The following SCN8A variants were observed in gnomAD, a reference collection of about 807,000 sequenced individuals.
The protein encoded by SCN8A is sodium voltage-gated channel alpha subunit 8, also known as sodium channel protein type 8 subunit alpha.
SCN8A carries 30 observed loss-of-function variants against 184.1 expected under a neutral mutation model. That is an observed-to-expected ratio of 0.16 (90% CI 0.12 to 0.22). The LOEUF (loss-of-function observed/expected upper bound fraction) is 0.22. Ranked by LOEUF, SCN8A falls within the 10% of genes least tolerant of loss-of-function variation. The probability of loss-of-function intolerance (pLI) is 1.00; values close to 1 mark genes in which losing one functional copy is unlikely to be tolerated. For synonymous variants in SCN8A, 852 were observed against 907.0 expected, an observed-to-expected ratio of 0.94 and a Z score of 1.09; for missense variants, 1,057 against 2,498.9, an observed-to-expected ratio of 0.42 and a Z score of 12.30.
rs142213239 is a variant in SCN8A at position 51,684,978 on chromosome 12, C to T, written c.395+686C>T. 3.5e-4 allele frequency among the ~76,000 whole-genome samples: 53 copies of T among 152,186 alleles called. No individual in the cohort carries two copies. In the East Asian group the frequency reaches 7.7e-3, roughly 22 times the overall value. ...GTGGCTTGAAACTTCCATGGCTGGT[C>T]GATATTTAACAGCATGTAGTCCCAT... On this transcript the variant is annotated intron_variant, in intron 3 of 26. Transcript: ENST00000627620.
chr12:51,628,552 T>A (rs1404414043), intron 1 of SCN8A, among the ~76,000 whole-genome samples: 1 of 152,158 alleles, frequency 6.6e-6, no homozygotes, highest in Non-Finnish European at 1.5e-5. Context: ...AGGATTCTTA[T>A]TCTGTAGGGA....
Position 51,727,245 on chromosome 12 carries a change from A to G in SCN8A, c.1998+5337A>G, listed in dbSNP as rs956588949. ...GGTTTAACTTCCAAAGAACTTACTTAAGGTTTTCAGTTGCTTCCTCAGTTA... is the reference window on the plus strand; with the variant it reads ...GGTTTAACTTCCAAAGAACTTACTTGAGGTTTTCAGTTGCTTCCTCAGTTA... On this transcript the variant is annotated intron_variant, in intron 12 of 26. Coordinates refer to ENST00000627620, the MANE Select transcript of SCN8A (RefSeq NM_001330260.2). Among the ~76,000 whole-genome samples, 9 of 152,234 alleles carry G rather than the reference A, an allele frequency of 5.9e-5. 1 individual carries two copies. Among genetic ancestry groups the G allele is most frequent in the African/African-American group, 1.7e-4 (7 of 41,540 alleles).
chr12:51,666,165 T>C (rs1941028978), intron 2 of SCN8A, among the ~76,000 whole-genome samples: 1 of 152,144 alleles, frequency 6.6e-6, no homozygotes. Context: ...GCAACTAAAT[T>C]ATGTGGGCAG....
chr12:51,728,846 A>T (rs1353335574), intron 12 of SCN8A, among the ~76,000 whole-genome samples: 1 of 151,890 alleles, frequency 6.6e-6, no homozygotes, highest in African/African-American at 2.4e-5. Context: ...ACAGCCAAAC[A>T]TGCACCCCCC....
chr12:51,762,362 C>T, intron 14 of SCN8A, 141 bp from the exon 15 acceptor site: 1 of 763,292 alleles, frequency 1.3e-6, no homozygotes, highest in Non-Finnish European at 2.1e-6. Flanking sequence ...CATGAGACAT[C>T]CAGGTATTGA....
chr12:51,797,709 C>G (rs1938448756), intron 26 of SCN8A, among the ~76,000 whole-genome samples: 1 of 152,206 alleles, frequency 6.6e-6, no homozygotes, highest in Non-Finnish European at 1.5e-5. Flanking sequence ...CTCTTCCATA[C>G]CTCCATTGTG....
At chr12:51,683,292 A>G (rs1189383481) in intron 2 of SCN8A, among the ~76,000 whole-genome samples, 1 of 152,172 alleles carries the variant, frequency 6.6e-6, no homozygotes, top group African/African-American at 2.4e-5. Context: ...AATTCAGAAC[A>G]CAGGGCATTC....
At chr12:51,657,639 C>T (rs1044962903) in intron 1 of SCN8A, among the ~76,000 whole-genome samples, 2 of 152,052 alleles carry the variant, frequency 1.3e-5, no homozygotes, top group African/African-American at 2.4e-5. Flanking sequence ...GATATAATCC[C>T]ATTTGTCTAT....
Position 51,806,961 on chromosome 12 carries a change from T to C in SCN8A, c.5475T>C (p.Asn1825=), listed in dbSNP as rs762621296. 3 of 1,613,970 alleles carry C rather than the reference T, an allele frequency of 1.9e-6. No homozygotes were observed. Among genetic ancestry groups the C allele is most frequent in the Admixed American group, 1.7e-5 (1 of 60,030 alleles). Residue 1825 remains asparagine, a synonymous_variant, in exon 27 of 27, where the codon AAT becomes AAC. Coordinates refer to ENST00000627620, the MANE Select transcript of SCN8A (RefSeq NM_001330260.2). The surrounding 1 kb of genome is among the most constrained non-coding windows in gnomAD (Gnocchi z 8.7). ...ATCCTCTCCGAGTGCCCAAGCCCAA[T>C]ACCATTGAGCTCATCGCTATGGATC... The part of the protein sequence containing the change: ...LEHPLRVPKP[N]TIELIAMDLP...
intron 1 of SCN8A, among the ~76,000 whole-genome samples, chr12:51,619,785 GAT>G (rs1264466288): frequency 2.6e-5 from 4 of 152,164 alleles, no homozygotes; most frequent in Admixed American, 2.6e-4. Flanking sequence ...AAAAGGGAAG[GAT>G]ATAACAGTCA....
chr12:51,687,252 G>A (rs1414040588), intron 5 of SCN8A, 33 bp downstream of exon 5: 7 of 1,610,986 alleles, frequency 4.3e-6, no homozygotes, highest in Non-Finnish European at 5.9e-6. Context: ...TGGTGTTCTG[G>A]GTGTGATTCT....
intron 11 of SCN8A, among the ~76,000 whole-genome samples, chr12:51,712,162 A>G (rs916702520): frequency 2.6e-5 from 4 of 152,234 alleles, no homozygotes; most frequent in African/African-American, 9.6e-5. Flanking sequence ...ATGAAAAGAA[A>G]AAGAAAAAGA....
At chr12:51,706,311 T>A in intron 10 of SCN8A, 111 bp from the exon 11 acceptor site, 1 of 1,099,668 alleles carries the variant, frequency 9.1e-7, no homozygotes, top group Non-Finnish European at 1.2e-6. Context: ...TCCTGCCTCC[T>A]TTTTTCCTCC....
In SCN8A at chr12:51,687,175, A is replaced by G; in HGVS notation, c.570A>G (p.Leu190=). The G allele has an allele frequency of 1.2e-6, 2 of 1,613,604 alleles. No homozygotes were observed. Among genetic ancestry groups the G allele is most frequent in the Non-Finnish European group, 1.7e-6 (2 of 1,179,596 alleles). The part of the protein sequence containing the change: ...RGFCIDGFTF[L]RDPWNWLDFS... The stretch of plus-strand genomic sequence containing the variant: ...TCTGCATAGATGGCTTTACCTTTTT[A>G]CGGGACCCATGGAACTGGTTAGATT... Residue 190 remains leucine, a synonymous_variant, in exon 5 of 27, where the codon TTA becomes TTG. Coordinates refer to ENST00000627620, the MANE Select transcript of SCN8A (RefSeq NM_001330260.2).
intron 3 of SCN8A, among the ~76,000 whole-genome samples, chr12:51,685,238 C>G (rs1412579461): frequency 6.6e-6 from 1 of 151,960 alleles, no homozygotes. Context: ...AGTGTTTTTT[C>G]TCTTCTGGTT....
chr12:51,798,893 G>C (rs1429561215), intron 26 of SCN8A, among the ~76,000 whole-genome samples: 1 of 152,180 alleles, frequency 6.6e-6, no homozygotes, highest in African/African-American at 2.4e-5. Flanking sequence ...CAAACCATTT[G>C]CTACAGCCCA....
chr12:51,694,922 G>C (rs1941568966), intron 6 of SCN8A, among the ~76,000 whole-genome samples: 1 of 152,168 alleles, frequency 6.6e-6, no homozygotes. Flanking sequence ...CCATAAATTG[G>C]CATTGATGTC....
At chr12:51,692,417 C>A (rs1392143229) in intron 6 of SCN8A, among the ~76,000 whole-genome samples, 1 of 152,198 alleles carries the variant, frequency 6.6e-6, no homozygotes, top group Non-Finnish European at 1.5e-5. Context: ...AAATGCTTTG[C>A]TTTACAGCTT....
At chr12:51,642,865 C>T (rs902490592) in intron 1 of SCN8A, among the ~76,000 whole-genome samples, 1 of 151,786 alleles carries the variant, frequency 6.6e-6, no homozygotes, top group African/African-American at 2.4e-5. Context: ...GTAGGATATC[C>T]TCCAGTAACC....
Sources: allele counts gnomAD v4.1 joint callset (sites outside exome capture counted in the v4.1 genomes callset), GRCh38; gene constraint gnomAD v4.1.1; non-coding constraint Gnocchi (gnomAD v3.1); transcripts MANE v1.5; gene names NCBI Gene and HGNC (gene_info 2026-07-23, HGNC 2026-07-21).